Variants in FAF1 observed in about 807,000 individuals in gnomAD.
FAF1 encodes Fas associated factor 1.
FAF1 carries 25 observed loss-of-function variants against 92.5 expected under a neutral mutation model. The observed-to-expected ratio is 0.27, with a 90% confidence interval of 0.20 to 0.38. FAF1 has a LOEUF of 0.38. Among genes scored for constraint, FAF1 ranks in the 10% least tolerant of loss-of-function variants. The pLI, the probability that FAF1 is intolerant of heterozygous loss-of-function variation, is 1.00. For synonymous variants in FAF1, 234 were observed against 273.2 expected, an observed-to-expected ratio of 0.86 and a Z score of 1.42; for missense variants, 636 against 793.3, an observed-to-expected ratio of 0.80 and a Z score of 2.38.
intron 7 of FAF1, among the ~76,000 whole-genome samples, chr1:50,688,135 C>CA (rs898642250): frequency 1.6e-3 from 223 of 143,208 alleles, no homozygotes; most frequent in Non-Finnish European, 2.3e-3. Flanking sequence ...GACTCTATCT[C>CA]AAAAAAAATA....
At chr1:50,706,475 A>G (rs924405369) in intron 6 of FAF1, among the ~76,000 whole-genome samples, 15 of 152,230 alleles carry the variant, frequency 9.9e-5, no homozygotes, top group Non-Finnish European at 8.8e-5. Context: ...TGTAAAGCCT[A>G]TAACAAAGTT....
chr1:50,680,511 C>G (rs902471050), intron 7 of FAF1, among the ~76,000 whole-genome samples: 7 of 151,948 alleles, frequency 4.6e-5, no homozygotes, highest in African/African-American at 1.7e-4. Context: ...GGGGAAACCT[C>G]GTCTCTACTA....
intron 15 of FAF1, among the ~76,000 whole-genome samples, chr1:50,515,097 G>GA (rs1647199842): frequency 6.6e-6 from 1 of 152,174 alleles, no homozygotes; most frequent in Non-Finnish European, 1.5e-5. Flanking sequence ...AGAAACTGGA[G>GA]ATAAGATGAG....
intron 2 of FAF1, among the ~76,000 whole-genome samples, chr1:50,803,843 C>T (rs1227108410): frequency 6.6e-6 from 1 of 152,006 alleles, no homozygotes; most frequent in East Asian, 1.9e-4. Context: ...GTACAGCAAA[C>T]TCTGTACATA....
intron 13 of FAF1, among the ~76,000 whole-genome samples, chr1:50,546,908 TTA>T (rs1479450719): frequency 2.0e-5 from 3 of 152,124 alleles, no homozygotes; most frequent in Non-Finnish European, 2.9e-5. Context: ...TTTTTCTATT[TTA>T]TATGAGTCTT....
intron 6 of FAF1, among the ~76,000 whole-genome samples, chr1:50,725,682 C>A (rs1280773954): frequency 6.6e-6 from 1 of 152,094 alleles, no homozygotes; most frequent in Non-Finnish European, 1.5e-5. Flanking sequence ...TCTTGAACTC[C>A]TGACCTCAAA....
chr1:50,579,298 T>C (rs910434408), intron 12 of FAF1, among the ~76,000 whole-genome samples: 4 of 152,110 alleles, frequency 2.6e-5, no homozygotes, highest in Non-Finnish European at 4.4e-5. Context: ...GAGGTATACA[T>C]AGTATATCTT....
intron 4 of FAF1, among the ~76,000 whole-genome samples, chr1:50,768,358 C>A (rs1363557005): frequency 2.6e-5 from 4 of 152,044 alleles, no homozygotes; most frequent in African/African-American, 7.2e-5. Context: ...GACTTCAACA[C>A]CCCACTGATA....
intron 7 of FAF1, among the ~76,000 whole-genome samples, chr1:50,686,467 G>A (rs574727548): frequency 4.9e-4 from 74 of 152,134 alleles, no homozygotes; most frequent in South Asian, 2.1e-3. Context: ...ACTTGAACCT[G>A]GGAGGTGGAA....
chr1:50,857,752 CTT>C (rs1644401375), intron 2 of FAF1, among the ~76,000 whole-genome samples, 175 bp downstream of exon 2: 1 of 151,716 alleles, frequency 6.6e-6, no homozygotes, highest in Non-Finnish European at 1.5e-5. Flanking sequence ...TTCATAATAA[CTT>C]AATACTGAGC....
intron 9 of FAF1, among the ~76,000 whole-genome samples, chr1:50,593,463 G>A (rs1651627075): frequency 6.6e-6 from 1 of 152,170 alleles, no homozygotes; most frequent in Admixed American, 6.5e-5. Flanking sequence ...ATTAAAGAGT[G>A]GAAGTATGAC....
chr1:50,640,550 C>A (rs934657699), intron 8 of FAF1, among the ~76,000 whole-genome samples: 1 of 151,958 alleles, frequency 6.6e-6, no homozygotes, highest in Non-Finnish European at 1.5e-5. Flanking sequence ...CATGTTATGG[C>A]AGGATTTTTA....
In FAF1 at chr1:50,464,365, G is replaced by A. The variant is rs564478052; in HGVS notation, c.1869+11099C>T. Among the ~76,000 whole-genome samples, 7 of 152,228 alleles carry A rather than the reference G, an allele frequency of 4.6e-5. No homozygotes were observed. The East Asian group carries it at 1.2e-3, about 25-fold the overall frequency. On this transcript the variant is annotated intron_variant, in intron 18 of 18. Coordinates refer to ENST00000396153, the MANE Select transcript of FAF1 (RefSeq NM_007051.3). The stretch of plus-strand genomic sequence containing the variant: ...TTATTATTATCTGCCTTTTACAGGT[G>A]AAAGAACCAGTTTAGTGTGGTTATG...
At chr1:50,598,742 G>C (rs866474728) in intron 8 of FAF1, among the ~76,000 whole-genome samples, 4 of 152,216 alleles carry the variant, frequency 2.6e-5, no homozygotes, top group Middle Eastern at 6.8e-3. Flanking sequence ...AGGCTGAGGC[G>C]AGTGGATCAC....
chr1:50,690,668 T>C (rs184214692), intron 7 of FAF1, among the ~76,000 whole-genome samples: 149 of 152,292 alleles, frequency 9.8e-4, no homozygotes, highest in African/African-American at 3.1e-3. Flanking sequence ...AGTTTAATAT[T>C]TAAAATGCAT....
chr1:50,744,593 TAAC>T (rs1009357572), intron 5 of FAF1, 88 bp downstream of exon 5: 4 of 818,546 alleles, frequency 4.9e-6, no homozygotes, highest in African/African-American at 1.7e-5. Flanking sequence ...CTGCCATATG[TAAC>T]AACATTAATT....
chr1:50,951,055 A>G (rs1380476642), intron 1 of FAF1, among the ~76,000 whole-genome samples: 2 of 152,102 alleles, frequency 1.3e-5, no homozygotes, highest in Non-Finnish European at 2.9e-5. Flanking sequence ...ACATGGTGAA[A>G]CCCCATCTCC....
chr1:50,918,508 C>A (rs1166018506), intron 1 of FAF1, among the ~76,000 whole-genome samples: 7 of 42,364 alleles, frequency 1.7e-4, no homozygotes, highest in Non-Finnish European at 2.3e-4. Flanking sequence ...CATGTCCCTA[C>A]AAAGGACATG....
chr1:50,680,198 G>C (rs914182200), intron 7 of FAF1, among the ~76,000 whole-genome samples: 1 of 152,138 alleles, frequency 6.6e-6, no homozygotes, highest in African/African-American at 2.4e-5. Context: ...ATGAAACTAG[G>C]GTTTGACTGT....
Sources: allele counts gnomAD v4.1 joint callset (sites outside exome capture counted in the v4.1 genomes callset), GRCh38; gene constraint gnomAD v4.1.1; transcripts MANE v1.5; gene names NCBI Gene and HGNC (gene_info 2026-07-23, HGNC 2026-07-21).